The following TTC6 variants were observed in gnomAD, a reference collection of about 807,000 sequenced individuals.
TTC6 encodes the protein tetratricopeptide repeat domain 6, also known as tetratricopeptide repeat protein 6.
In TTC6, 172 loss-of-function variants were observed where a neutral mutation model predicts 210.4. The ratio of observed to expected loss-of-function variants is 0.82; its 90% CI spans 0.72 to 0.93. The LOEUF is 0.93. Ranked by LOEUF, TTC6 falls within the 40% of genes least tolerant of loss-of-function variation. The pLI is 0.00. For missense variants in TTC6, 2,414 were observed against 2,318.1 expected, an observed-to-expected ratio of 1.04 and a Z score of -0.85; for synonymous variants, 804 against 819.6, an observed-to-expected ratio of 0.98 and a Z score of 0.32.
intron 3 of TTC6, among the ~76,000 whole-genome samples, chr14:37,687,389 G>T (rs1566888126): frequency 6.6e-6 from 1 of 152,102 alleles, no homozygotes; most frequent in Non-Finnish European, 1.5e-5. Context: ...AAATAAATTT[G>T]AAGGGCAATA....
chr14:37,710,267 A>G (rs887661408), intron 5 of TTC6, among the ~76,000 whole-genome samples: 11 of 152,238 alleles, frequency 7.2e-5, no homozygotes, highest in African/African-American at 2.6e-4. Flanking sequence ...AGGTAGGGGA[A>G]GATTGTTGGA....
chr14:37,621,169 G>A (rs114801054), upstream of TTC6, among the ~76,000 whole-genome samples: 405 of 152,322 alleles, frequency 2.7e-3, 4 homozygotes, highest in African/African-American at 9.3e-3. Context: ...GCTGGAGAGA[G>A]AAGGGGAAAC....
chr14:37,731,234 T>A (rs2095885284), intron 7 of TTC6, among the ~76,000 whole-genome samples: 1 of 152,208 alleles, frequency 6.6e-6, no homozygotes. Context: ...TGTTGATTCA[T>A]TGCTACTGAA....
At chr14:37,739,963 A>G (rs1014238318) in intron 10 of TTC6, among the ~76,000 whole-genome samples, 1 of 152,114 alleles carries the variant, frequency 6.6e-6, no homozygotes, top group Non-Finnish European at 1.5e-5. Flanking sequence ...GGAGATCGAG[A>G]CCATCGTGGC....
At chr14:37,790,684 C>T in intron 15 of TTC6, 33 bp from the exon 18 acceptor site, 1 of 1,506,356 alleles carries the variant, frequency 6.6e-7, no homozygotes. Context: ...ATTTTAGAAC[C>T]TGAATGAAAT....
At chr14:37,749,117 A>G (rs1181129545) in exon 11 of TTC6, 6 of 1,535,554 alleles carry the variant, frequency 3.9e-6, no homozygotes, top group Non-Finnish European at 4.4e-6. Flanking sequence ...TGATAGGCTC[A>G]TTGAGTACAA....
chr14:37,700,878 G>C lies in TTC6; in HGVS notation c.1377-454G>C, dbSNP rs17106950. ...CCACACTGACTCAGAGAAACCCAGA[G>C]TTCTATCAATGCTAGTTAATGGATA... is the stretch of plus-strand genomic sequence containing the variant. On this transcript the variant is annotated intron_variant, in intron 4 of 30. Transcript: ENST00000553443. Among the ~76,000 whole-genome samples the C allele has an allele frequency of 2.5e-3, 382 of 151,644 alleles. 2 individuals carry two copies. Among genetic ancestry groups the C allele is most frequent in the African/African-American group, 8.8e-3 (365 of 41,344 alleles).
chr14:37,706,481 T>C (rs2095835738), intron 5 of TTC6, among the ~76,000 whole-genome samples: 1 of 152,076 alleles, frequency 6.6e-6, no homozygotes, highest in South Asian at 2.1e-4. Flanking sequence ...GACTATCAAT[T>C]GGTAAGAGAA....
At chr14:37,789,596 T>TTTTATATA (rs1555400189) in intron 15 of TTC6, among the ~76,000 whole-genome samples, 1 of 134,498 alleles carries the variant, frequency 7.4e-6, no homozygotes, top group African/African-American at 2.8e-5. Context: ...TGGTTTCCTC[T>TTTTATATA]TATATATATA....
At chr14:37,638,963 C>T (rs2095686269) in intron 1 of TTC6, among the ~76,000 whole-genome samples, 1 of 152,196 alleles carries the variant, frequency 6.6e-6, no homozygotes, top group African/African-American at 2.4e-5. Context: ...TATCCTTCTA[C>T]ACTTCTCAAT....
At chr14:37,773,472 T>C (rs1374457235) in intron 14 of TTC6, among the ~76,000 whole-genome samples, 1 of 152,230 alleles carries the variant, frequency 6.6e-6, no homozygotes, top group African/African-American at 2.4e-5. Context: ...ATCTTCTGCA[T>C]ATGGCTAGCC....
intron 1 of TTC6, among the ~76,000 whole-genome samples, chr14:37,649,773 G>A (rs2095707890): frequency 6.6e-6 from 1 of 152,184 alleles, no homozygotes. Flanking sequence ...GGGAGATGGA[G>A]TCTCAGGGAA....
Position 37,696,921 on chromosome 14 carries a change from A to G in TTC6, c.1376+86A>G, listed in dbSNP as rs191906457. On this transcript the variant is annotated intron_variant, in intron 4 of 30. Transcript: ENST00000553443. ...CATGAAAATACATTTTTAAAAAAGA[A>G]AACTAAATGTTTTAGAAATTCATAT... is the stretch of plus-strand genomic sequence containing the variant. The G allele has an allele frequency of 2.7e-4, 158 of 574,612 alleles. 2 individuals carry two copies. In the East Asian group the frequency reaches 5.5e-3, roughly 20 times the overall value. 35.6% of individuals were successfully genotyped at this position (574,612 alleles called of 1,614,324 possible). A position where few individuals can be genotyped will look rare whatever the true frequency, so the allele number is the denominator to read the frequency against.
At chr14:37,711,597 G>C (rs2095844858) in intron 5 of TTC6, among the ~76,000 whole-genome samples, 1 of 152,120 alleles carries the variant, frequency 6.6e-6, no homozygotes, top group Non-Finnish European at 1.5e-5. Context: ...TAGCTTGGGT[G>C]GAAGGTTGGG....
chr14:37,790,611 A>C, intron 15 of TTC6, 106 bp from the exon 18 acceptor site: 2 of 875,932 alleles, frequency 2.3e-6, no homozygotes, highest in South Asian at 3.3e-5. Context: ...ATTTTATATA[A>C]TGTTAAAAAA....
exon 14 of TTC6, chr14:37,753,123 A>C (rs964691203): frequency 1.3e-6 from 2 of 1,534,990 alleles, no homozygotes; most frequent in Admixed American, 2.0e-5. Flanking sequence ...TCCCAAAAGA[A>C]CAGATGCATT....
chr14:37,818,453 A>G (rs2096147542), intron 26 of TTC6, among the ~76,000 whole-genome samples: 1 of 152,074 alleles, frequency 6.6e-6, no homozygotes, highest in Non-Finnish European at 1.5e-5. Flanking sequence ...ATAATAGTTT[A>G]TAGCTTTTTT....
At position 37,827,190 on chromosome 14, in the gene TTC6, CT is replaced by C; in HGVS notation, c.5128-5del. ...AATGTTAAATAATCATAATATTATA[CT>C]GCAGATCAGTACTACAGCAGAATTC... On this transcript the variant is annotated splice_polypyrimidine_tract_variant and splice_region_variant and intron_variant, in intron 28 of 30. Transcript: ENST00000553443. The C allele has an allele frequency of 6.2e-7, 1 of 1,607,866 alleles. No individual in the cohort carries two copies. The highest frequency in any genetic ancestry group is 1.1e-5 in the South Asian group (1 of 90,240).
rs2095951360 is a variant in TTC6, at chr14:37,751,361, C to T, written c.3129+136C>T. On this transcript the variant is annotated intron_variant, in intron 13 of 30. Coordinates refer to ENST00000553443, the Ensembl canonical transcript of TTC6. The stretch of plus-strand genomic sequence containing the variant: ...AAATTGATTTATTACAGGTTAGGAG[C>T]TAGAGTTTTCATTACTGGAATTAAT... 17 of 506,590 alleles carry T rather than the reference C, an allele frequency of 3.4e-5. No individual in the cohort carries two copies. The East Asian group carries it at 5.8e-4, about 17-fold the overall frequency. The allele number at this position is 506,590 out of a possible 1,614,324, so 31.4% of individuals were successfully genotyped here. A position where few individuals can be genotyped will look rare whatever the true frequency, so the allele number is the denominator to read the frequency against.
Sources: gnomAD v4.1 joint callset for allele counts (sites outside exome capture counted in the v4.1 genomes callset) on GRCh38, gnomAD v4.1.1 for gene constraint, MANE v1.5 for transcripts, NCBI Gene and HGNC (gene_info 2026-07-23, HGNC 2026-07-21) for gene names.